GALNTL6: variants seen among roughly 807,000 people sequenced by gnomAD.
GALNTL6 encodes the protein polypeptide N-acetylgalactosaminyltransferase like 6.
Under a neutral mutation model 73.7 loss-of-function variants are expected in GALNTL6, and 46 were observed. The observed-to-expected ratio is 0.62, with a 90% CI of 0.49 to 0.80. GALNTL6 has a LOEUF of 0.80. GALNTL6 is among the 30% of genes least tolerant of loss of function. GALNTL6 has a pLI of 0.00. For missense variants in GALNTL6, 604 were observed against 755.0 expected, an observed-to-expected ratio of 0.80 and a Z score of 2.34; for synonymous variants, 259 against 263.7, an observed-to-expected ratio of 0.98 and a Z score of 0.17.
At chr4:172,251,906 A>G (rs1005591511) in intron 3 of GALNTL6, among the ~76,000 whole-genome samples, 3 of 152,050 alleles carry the variant, frequency 2.0e-5, no homozygotes, top group Non-Finnish European at 4.4e-5. Flanking sequence ...ATGAAACTAT[A>G]AAAAAAGACT....
At chr4:172,889,351 G>C (rs1745896497) in intron 8 of GALNTL6, among the ~76,000 whole-genome samples, 1 of 152,116 alleles carries the variant, frequency 6.6e-6, no homozygotes, top group African/African-American at 2.4e-5. Context: ...TAATGAAAAT[G>C]CTTCCAGCTT....
chr4:172,978,972 C>A (rs1750957275), intron 10 of GALNTL6, among the ~76,000 whole-genome samples: 1 of 152,188 alleles, frequency 6.6e-6, no homozygotes, highest in African/African-American at 2.4e-5. Context: ...ATAGTAGTCC[C>A]TGTATTATAG....
chr4:172,218,128 G>A (rs1736552964), intron 2 of GALNTL6, among the ~76,000 whole-genome samples: 1 of 152,026 alleles, frequency 6.6e-6, no homozygotes, highest in African/African-American at 2.4e-5. Flanking sequence ...CTTTGTTCCT[G>A]GAATGTAGCC....
chr4:172,853,206 A>G (rs1743933567), intron 7 of GALNTL6, among the ~76,000 whole-genome samples: 1 of 152,180 alleles, frequency 6.6e-6, no homozygotes, highest in Admixed American at 6.5e-5. Flanking sequence ...AAGCTTACTC[A>G]GGTTGTTGAA....
At chr4:172,673,391 T>C (rs372779249) in intron 5 of GALNTL6, among the ~76,000 whole-genome samples, 31 of 152,338 alleles carry the variant, frequency 2.0e-4, no homozygotes, top group African/African-American at 5.5e-4. Context: ...TTACTTCTGA[T>C]TATGTGATCG....
chr4:172,371,222 AAC>A (rs1383848405), intron 5 of GALNTL6, among the ~76,000 whole-genome samples: 2 of 152,202 alleles, frequency 1.3e-5, no homozygotes, highest in African/African-American at 4.8e-5. Context: ...GCCCAAAAGG[AAC>A]CATCTATTGT....
At chr4:172,282,428 T>G (rs1023003696) in intron 3 of GALNTL6, among the ~76,000 whole-genome samples, 2 of 152,096 alleles carry the variant, frequency 1.3e-5, no homozygotes, top group Admixed American at 6.6e-5. Flanking sequence ...TACAAGCACT[T>G]TGGAAAACAG....
intron 2 of GALNTL6, among the ~76,000 whole-genome samples, chr4:171,872,808 C>T (rs1343510271): frequency 6.6e-6 from 1 of 152,078 alleles, no homozygotes; most frequent in East Asian, 1.9e-4. Flanking sequence ...TGTAAAGGTC[C>T]CATTTCCAAA....
chr4:172,930,209 CAG>C (rs1470879918), intron 8 of GALNTL6, among the ~76,000 whole-genome samples: 1 of 151,326 alleles, frequency 6.6e-6, no homozygotes, highest in Non-Finnish European at 1.5e-5. Context: ...ACACAGGAGG[CAG>C]AAGTTTCAGT....
intron 2 of GALNTL6, among the ~76,000 whole-genome samples, chr4:171,833,413 A>G (rs1735028658): frequency 6.6e-6 from 1 of 151,754 alleles, no homozygotes; most frequent in South Asian, 2.1e-4. Context: ...TAATATTAAG[A>G]ATAAAATAGA....
At chr4:172,111,687 T>C (rs769784251) in intron 2 of GALNTL6, among the ~76,000 whole-genome samples, 22 of 152,204 alleles carry the variant, frequency 1.4e-4, no homozygotes, top group Admixed American at 7.2e-4. Flanking sequence ...GGTAATTTTC[T>C]ATTTTAGGTT....
intron 5 of GALNTL6, among the ~76,000 whole-genome samples, chr4:172,768,255 T>A (rs2110853422): frequency 6.6e-6 from 1 of 152,272 alleles, no homozygotes; most frequent in Non-Finnish European, 1.5e-5. Flanking sequence ...TCCAGGAACT[T>A]ACAATCAGCA....
chr4:172,222,579 C>T (rs1736716873), intron 2 of GALNTL6, among the ~76,000 whole-genome samples: 2 of 151,766 alleles, frequency 1.3e-5, no homozygotes, highest in East Asian at 1.9e-4. Context: ...TATCAATTAC[C>T]ATTTGCCAGA....
chr4:172,951,384 T>C (rs1418067742), intron 9 of GALNTL6, among the ~76,000 whole-genome samples: 1 of 152,250 alleles, frequency 6.6e-6, no homozygotes, highest in Non-Finnish European at 1.5e-5. Flanking sequence ...GATCCATGCT[T>C]ATTCCCCACC....
At chr4:172,131,269 A>C (rs11938066) in intron 2 of GALNTL6, among the ~76,000 whole-genome samples, 2 of 151,302 alleles carry the variant, frequency 1.3e-5, no homozygotes, top group Non-Finnish European at 3.0e-5. Flanking sequence ...TTTTGTAAAT[A>C]ATTATAACTA....
chr4:171,968,290 A>G (rs1739448523), intron 2 of GALNTL6, among the ~76,000 whole-genome samples: 1 of 152,166 alleles, frequency 6.6e-6, no homozygotes, highest in Admixed American at 6.5e-5. Flanking sequence ...CTGGAGGCCA[A>G]AAGTCCGAAA....
intron 5 of GALNTL6, among the ~76,000 whole-genome samples, chr4:172,569,872 G>C (rs1736696686): frequency 6.6e-6 from 1 of 152,206 alleles, no homozygotes; most frequent in Admixed American, 6.5e-5. Context: ...TATGAGCTAG[G>C]TTGAGGAAGA....
At chr4:172,121,257 TTGTGTGTGTGTGTGTGTGTGTG>T (rs375731048) in intron 2 of GALNTL6, among the ~76,000 whole-genome samples, 1 of 142,372 alleles carries the variant, frequency 7.0e-6, no homozygotes, top group Non-Finnish European at 1.5e-5. Context: ...TCAAGAAGCA[TTGTGTGTGTGTGTGTGTGTGTG>T]TGTGTGTGTG....
chr4:172,644,977 A>G (rs1675652148), intron 5 of GALNTL6, among the ~76,000 whole-genome samples: 1 of 151,978 alleles, frequency 6.6e-6, no homozygotes, highest in African/African-American at 2.4e-5. Context: ...CATATGCATA[A>G]TGAATGTTTA....
Sources: allele counts gnomAD v4.1 joint callset (sites outside exome capture counted in the v4.1 genomes callset), GRCh38; gene constraint gnomAD v4.1.1; transcripts MANE v1.5; gene names NCBI Gene and HGNC (gene_info 2026-07-23, HGNC 2026-07-21).